Variants in GLP1R observed in about 807,000 individuals in gnomAD.
The protein encoded by GLP1R is glucagon-like peptide 1 receptor.
In GLP1R, 32 loss-of-function variants were observed where a neutral mutation model predicts 68.4. The ratio of observed to expected loss-of-function variants is 0.47; its 90% confidence interval spans 0.35 to 0.63. GLP1R has a LOEUF of 0.63. GLP1R is among the 20% of genes least tolerant of loss of function. The pLI is 0.00. For synonymous variants in GLP1R, 263 were observed against 244.4 expected (o/e 1.08, Z -0.71); for missense variants, 502 against 594.9 (o/e 0.84, Z 1.62).
At chr6:39,064,241 G>T (rs1382655003) in intron 3 of GLP1R, among the ~76,000 whole-genome samples, 1 of 151,956 alleles carries the variant, frequency 6.6e-6, no homozygotes, top group Non-Finnish European at 1.5e-5. Flanking sequence ...TTGAGCTCAG[G>T]CAATCCACCT....
intron 1 of GLP1R, among the ~76,000 whole-genome samples, chr6:39,055,188 A>T (rs886466801): frequency 1.3e-5 from 2 of 152,258 alleles, no homozygotes; most frequent in African/African-American, 4.8e-5. Flanking sequence ...GACTGGATCC[A>T]GCATGTGCCC....
intron 1 of GLP1R, among the ~76,000 whole-genome samples, chr6:39,050,170 T>TC (rs1462372936): frequency 1.3e-5 from 2 of 151,896 alleles, no homozygotes; most frequent in African/African-American, 4.8e-5. Flanking sequence ...GGAGACAACC[T>TC]CCCCCTTCCA....
chr6:39,071,345 CAAAAAAAAAA>C (rs35740935), intron 5 of GLP1R, among the ~76,000 whole-genome samples: 5 of 85,926 alleles, frequency 5.8e-5, no homozygotes, highest in African/African-American at 1.4e-4. Flanking sequence ...GATTCCATCT[CAAAAAAAAAA>C]AAAAAAAAAA....
chr6:39,063,447 A>G (rs184033865), intron 3 of GLP1R, among the ~76,000 whole-genome samples: 1 of 152,268 alleles, frequency 6.6e-6, no homozygotes. Context: ...ATGCGTTCGA[A>G]GGGTATTGGA....
intron 12 of GLP1R, among the ~76,000 whole-genome samples, chr6:39,085,633 T>C (rs976715861): frequency 1.3e-5 from 2 of 152,212 alleles, no homozygotes; most frequent in Non-Finnish European, 2.9e-5. Flanking sequence ...TGTGATGGAT[T>C]GTAAAAGGTA....
chr6:39,082,293 A>C (rs926046792), intron 12 of GLP1R, among the ~76,000 whole-genome samples: 1 of 152,228 alleles, frequency 6.6e-6, no homozygotes, highest in African/African-American at 2.4e-5. Flanking sequence ...TGTGCAGCAG[A>C]TGGTATCCCC....
chr6:39,068,407 C>T (rs889722690), intron 5 of GLP1R, among the ~76,000 whole-genome samples: 8 of 152,148 alleles, frequency 5.3e-5, no homozygotes, highest in Non-Finnish European at 1.2e-4. Context: ...ATCTTGCCCC[C>T]CATGACTCTG....
At chr6:39,074,826 C>T (rs965209882) in intron 7 of GLP1R, among the ~76,000 whole-genome samples, 2 of 152,254 alleles carry the variant, frequency 1.3e-5, no homozygotes, top group Non-Finnish European at 2.9e-5. Flanking sequence ...GAAGCTGCCT[C>T]AGGCCACCAG....
chr6:39,054,463 C>A (rs1768164095), intron 1 of GLP1R, among the ~76,000 whole-genome samples: 3 of 152,266 alleles, frequency 2.0e-5, no homozygotes, highest in African/African-American at 7.2e-5. Context: ...CAGCCCCATC[C>A]TCAGGAAGCT....
intron 1 of GLP1R, among the ~76,000 whole-genome samples, chr6:39,055,197 C>T (rs1768184126): frequency 6.6e-6 from 1 of 152,122 alleles, no homozygotes; most frequent in Non-Finnish European, 1.5e-5. Flanking sequence ...CAGCATGTGC[C>T]CAGCACGCTA....
intron 3 of GLP1R, among the ~76,000 whole-genome samples, chr6:39,061,566 G>A (rs1262206750): frequency 6.6e-6 from 1 of 152,142 alleles, no homozygotes; most frequent in Non-Finnish European, 1.5e-5. Context: ...GGAAACTGAG[G>A]CCCAAGCTTG....
rs1232789041 is a variant in GLP1R, at chr6:39,079,038, T to TGTCA, written c.954+14_954+17dup. 6.2e-7 allele frequency: 1 copy of TGTCA among 1,613,028 alleles called. No homozygotes were observed. The highest frequency in any genetic ancestry group is 8.5e-7 in the Non-Finnish European group (1 of 1,179,136). ...TCTTTGCCATTGGGGTGAGTGATGG[T>TGTCA]GTCAGGGATGGGAGTGGCAGCTATG... On this transcript the variant is annotated intron_variant, in intron 9 of 12. Transcript: ENST00000373256. This position sits in a 1 kb window ranked among gnomAD's most constrained non-coding sequence, Gnocchi z 4.5.
chr6:39,058,330 G>A (rs1204907596), intron 3 of GLP1R, among the ~76,000 whole-genome samples: 1 of 152,126 alleles, frequency 6.6e-6, no homozygotes, highest in Admixed American at 6.5e-5. Flanking sequence ...TGGGAGAAGT[G>A]ATCAGGGCAT....
chr6:39,061,724 G>A (rs1184088459), intron 3 of GLP1R, among the ~76,000 whole-genome samples: 5 of 152,192 alleles, frequency 3.3e-5, no homozygotes, highest in African/African-American at 4.8e-5. Flanking sequence ...CTTCTGGGAA[G>A]TCATTATGCT....
In GLP1R at chr6:39,089,331, G is replaced by T. The variant is rs754021829; in HGVS notation, c.*3258G>T. Among the ~76,000 whole-genome samples the T allele has an allele frequency of 1.3e-5, 2 of 152,050 alleles. No homozygotes were observed. The highest frequency in any genetic ancestry group is 2.9e-5 in the Non-Finnish European group (2 of 68,010). The stretch of plus-strand genomic sequence containing the variant: ...ATGTGTTTGAAAAGTTGTATTGATA[G>T]TCACACAGAGTGTACTAAAATAACC... On this transcript the variant is annotated 3_prime_UTR_variant, in exon 13 of 13. Coordinates refer to ENST00000373256, the MANE Select transcript of GLP1R (RefSeq NM_002062.5). This position sits in a 1 kb window ranked among gnomAD's most constrained non-coding sequence, Gnocchi z 4.1.
At chr6:39,063,103 G>A (rs1768390788) in intron 3 of GLP1R, among the ~76,000 whole-genome samples, 1 of 152,172 alleles carries the variant, frequency 6.6e-6, no homozygotes, top group Non-Finnish European at 1.5e-5. Flanking sequence ...TGTGCCTGTG[G>A]TTCCATGGCT....
At position 39,063,444 on chromosome 6, in the gene GLP1R, C is replaced by T. The variant is rs529073983; in HGVS notation, c.284-2267C>T. Among the ~76,000 whole-genome samples the T allele has an allele frequency of 5.3e-5, 8 of 152,260 alleles. No homozygotes were observed. In the South Asian group the frequency reaches 6.2e-4, roughly 12 times the overall value. On this transcript the variant is annotated intron_variant, in intron 3 of 12. Coordinates refer to ENST00000373256, the MANE Select transcript of GLP1R (RefSeq NM_002062.5). ...ACCTGATTTTGTTCATAAATGCGTT[C>T]GAAGGGTATTGGAACACCATCGTTC...
At chr6:39,051,162 C>T (rs917413387) in intron 1 of GLP1R, among the ~76,000 whole-genome samples, 1 of 152,160 alleles carries the variant, frequency 6.6e-6, no homozygotes, top group Non-Finnish European at 1.5e-5. Flanking sequence ...TCAGACACAA[C>T]TGGATTCAAA....
rs776035722 is a variant in GLP1R, at chr6:39,073,618, G to C, written c.672G>C (p.Leu224=). The C allele has an allele frequency of 6.2e-7, 1 of 1,613,808 alleles. No individual in the cohort carries two copies. Among genetic ancestry groups the C allele is most frequent in the Non-Finnish European group, 8.5e-7 (1 of 1,179,886 alleles). ...WDGLLSYQDS[L]SCRLVFLLMQ... ...CCTTCCTCTACCCCCAGGACTCTCT[G>C]AGCTGCCGCCTGGTGTTTCTGCTCA... The change falls in exon 7 of 13, where the codon CTG becomes CTC. Residue 224 remains leucine, a synonymous_variant. Transcript: ENST00000373256.
Sources: gnomAD v4.1 joint callset for allele counts (sites outside exome capture counted in the v4.1 genomes callset) on GRCh38, gnomAD v4.1.1 for gene constraint, Gnocchi (gnomAD v3.1) non-coding constraint, MANE v1.5 for transcripts, NCBI Gene and HGNC (gene_info 2026-07-23, HGNC 2026-07-21) for gene names.